ZEB1: variants seen among roughly 807,000 people sequenced by gnomAD.
The protein encoded by ZEB1 is zinc finger E-box-binding homeobox 1.
ZEB1 carries 21 observed loss-of-function variants against 84.9 expected under a neutral mutation model. The ratio of observed to expected loss-of-function variants is 0.25; its 90% CI spans 0.18 to 0.36. The LOEUF is 0.36. Ranked by LOEUF, ZEB1 falls within the 10% of genes least tolerant of loss-of-function variation. The pLI, the probability that ZEB1 is intolerant of heterozygous loss-of-function variation, is 1.00. For missense variants in ZEB1, 1,104 were observed against 1,330.2 expected, an observed-to-expected ratio of 0.83 and a Z score of 2.65; for synonymous variants, 420 against 471.1, an observed-to-expected ratio of 0.89 and a Z score of 1.41.
Position 31,421,464 on chromosome 10 carries a change from A to G in ZEB1, c.59-39573A>G, listed in dbSNP as rs12572248. 0.014 allele frequency among the ~76,000 whole-genome samples: 2,088 copies of G among 152,250 alleles called. 112 individuals are homozygous for G. In the East Asian group the frequency reaches 0.18, roughly 13 times the overall value. Reference sequence around the variant, plus strand: ...CATCTGCTATCTAGCAAAATTCAGTATCTTGCAAACTTAAGGCTGTCAGGC... The same window carrying G: ...CATCTGCTATCTAGCAAAATTCAGTGTCTTGCAAACTTAAGGCTGTCAGGC... On this transcript the variant is annotated intron_variant, in intron 1 of 8. Transcript: ENST00000424869.
At chr10:31,516,590 A>G (rs944673059) in intron 6 of ZEB1, among the ~76,000 whole-genome samples, 48 of 149,556 alleles carry the variant, frequency 3.2e-4, no homozygotes, top group African/African-American at 1.2e-3. Context: ...CAGTTGCTAG[A>G]AAAAGGACTA....
At chr10:31,466,953 C>G (rs1394713997) in intron 2 of ZEB1, among the ~76,000 whole-genome samples, 1 of 152,006 alleles carries the variant, frequency 6.6e-6, no homozygotes, top group Non-Finnish European at 1.5e-5. Flanking sequence ...CTGGGATGCA[C>G]CTCTTCTACA....
At chr10:31,462,145 C>T (rs781019648) in intron 2 of ZEB1, among the ~76,000 whole-genome samples, 2 of 152,090 alleles carry the variant, frequency 1.3e-5, no homozygotes, top group Non-Finnish European at 2.9e-5. Flanking sequence ...GTCAGGCATG[C>T]AGGTCAGGAT....
intron 1 of ZEB1, among the ~76,000 whole-genome samples, chr10:31,390,862 C>T (rs1412963618): frequency 6.6e-6 from 1 of 152,136 alleles, no homozygotes; most frequent in Non-Finnish European, 1.5e-5. Context: ...TTTCCGTTTT[C>T]ATTCTTTAAC....
intron 1 of ZEB1, among the ~76,000 whole-genome samples, chr10:31,437,230 A>G (rs2058398722): frequency 6.6e-6 from 1 of 152,188 alleles, no homozygotes; most frequent in South Asian, 2.1e-4. Flanking sequence ...TTAATTATGT[A>G]CTATGACATT....
chr10:31,414,875 C>T (rs532448611), intron 1 of ZEB1, among the ~76,000 whole-genome samples: 2 of 152,100 alleles, frequency 1.3e-5, no homozygotes, highest in Non-Finnish European at 2.9e-5. Flanking sequence ...TTAAATAAAG[C>T]ACACAAATCT....
At chr10:31,459,919 T>C (rs1351882746) in intron 1 of ZEB1, among the ~76,000 whole-genome samples, 1 of 151,208 alleles carries the variant, frequency 6.6e-6, no homozygotes, top group Non-Finnish European at 1.5e-5. Flanking sequence ...AGCATTTAGG[T>C]GATTATTTTT....
chr10:31,514,533 A>AG, intron 5 of ZEB1, 70 bp from the exon 6 acceptor site: 1 of 1,367,380 alleles, frequency 7.3e-7, no homozygotes, highest in Non-Finnish European at 1.0e-6. Context: ...TGTCACTCTT[A>AG]GTAGATTGGA....
chr10:31,495,678 C>T (rs1008447203), intron 2 of ZEB1, 98 bp from the exon 3 acceptor site: 9 of 1,196,980 alleles, frequency 7.5e-6, no homozygotes, highest in Non-Finnish European at 9.9e-6. Flanking sequence ...GTGTAATGAT[C>T]AGATCAGAGT....
chr10:31,442,567 TAAA>T (rs61471490), intron 1 of ZEB1, among the ~76,000 whole-genome samples: 1 of 142,390 alleles, frequency 7.0e-6, no homozygotes, highest in Admixed American at 7.0e-5. Context: ...ATAATAATAA[TAAA>T]AAAAAAAGAA....
chr10:31,320,544 T>A (rs917648660), intron 1 of ZEB1: 1 of 152,054 alleles, frequency 6.6e-6, no homozygotes, highest in Non-Finnish European at 1.5e-5. Flanking sequence ...GCACCGCAGC[T>A]GCAGTGTTTA....
In ZEB1 at chr10:31,527,515, AG is replaced by A; in HGVS notation, c.*253del. 1.9e-6 allele frequency: 1 copy of A among 512,860 alleles called. No homozygotes were observed. Among genetic ancestry groups the A allele is most frequent in the Non-Finnish European group, 3.4e-6 (1 of 292,418 alleles). The allele number at this position is 512,860 out of a possible 1,614,324, so 31.8% of individuals were successfully genotyped here. Reference sequence around the variant, plus strand: ...AATTTTTCATGCAGTTTTCAAAGTTAGGAACAAGTTTGTAACATGCAGCAGA... The same window carrying A: ...AATTTTTCATGCAGTTTTCAAAGTTAGAACAAGTTTGTAACATGCAGCAGA... On this transcript the variant is annotated 3_prime_UTR_variant, in exon 9 of 9. Transcript: ENST00000424869.
intron 2 of ZEB1, among the ~76,000 whole-genome samples, chr10:31,475,096 A>G (rs1443633891): frequency 6.6e-6 from 1 of 151,940 alleles, no homozygotes; most frequent in Non-Finnish European, 1.5e-5. Context: ...GCATTGGGAG[A>G]TATACCTAAT....
chr10:31,332,007 C>T (rs2036898247), intron 1 of ZEB1, among the ~76,000 whole-genome samples: 1 of 152,062 alleles, frequency 6.6e-6, no homozygotes. Context: ...TCTTTATATA[C>T]TCAGTGTTAA....
At chr10:31,393,009 G>T (rs949827406) in intron 1 of ZEB1, among the ~76,000 whole-genome samples, 1 of 151,924 alleles carries the variant, frequency 6.6e-6, no homozygotes, top group Non-Finnish European at 1.5e-5. Context: ...TAATTTTTCT[G>T]TGTTTTTTGT....
At chr10:31,327,424 C>A (rs1365925005) in intron 1 of ZEB1, among the ~76,000 whole-genome samples, 1 of 152,130 alleles carries the variant, frequency 6.6e-6, no homozygotes, top group Non-Finnish European at 1.5e-5. Flanking sequence ...AATTTACTTT[C>A]TTTACTTAGC....
At chr10:31,356,656 C>T (rs567458802) in intron 1 of ZEB1, among the ~76,000 whole-genome samples, 1 of 152,246 alleles carries the variant, frequency 6.6e-6, no homozygotes, top group South Asian at 2.1e-4. Context: ...ACTTTCTTAA[C>T]CAATCTTATT....
At chr10:31,385,112 A>G (rs923048277) in intron 1 of ZEB1, among the ~76,000 whole-genome samples, 2 of 152,190 alleles carry the variant, frequency 1.3e-5, no homozygotes, top group African/African-American at 4.8e-5. Context: ...CCCTGAGACA[A>G]GATATAAAAT....
chr10:31,375,818 T>C (rs1432648144), intron 1 of ZEB1, among the ~76,000 whole-genome samples: 1 of 151,720 alleles, frequency 6.6e-6, no homozygotes, highest in Non-Finnish European at 1.5e-5. Flanking sequence ...ATAATGTTTT[T>C]AGTTCAATAT....
Sources: allele counts gnomAD v4.1 joint callset (sites outside exome capture counted in the v4.1 genomes callset), GRCh38; gene constraint gnomAD v4.1.1; transcripts MANE v1.5; gene names NCBI Gene and HGNC (gene_info 2026-07-23, HGNC 2026-07-21).